Variants in BTNL9 observed in about 807,000 individuals in gnomAD.
BTNL9 encodes the protein butyrophilin-like protein 9.
Under a neutral mutation model 45.8 loss-of-function variants are expected in BTNL9, and 45 were observed. The observed-to-expected ratio is 0.98, with a 90% CI of 0.77 to 1.26. BTNL9 has a LOEUF of 1.26. Among genes scored for constraint, BTNL9 ranks in the 50% most tolerant of loss-of-function variants. The probability of loss-of-function intolerance (pLI) is 0.00; values close to 1 mark genes in which losing one functional copy is unlikely to be tolerated. For synonymous variants in BTNL9, 346 were observed against 330.8 expected (o/e 1.05, Z -0.50); for missense variants, 784 against 729.7 (o/e 1.07, Z -0.86).
intron 2 of BTNL9, among the ~76,000 whole-genome samples, chr5:181,046,736 C>G (rs1390849975): frequency 6.6e-6 from 1 of 151,392 alleles, no homozygotes; most frequent in Non-Finnish European, 1.5e-5. Context: ...AGAATTGTGT[C>G]CAAAGACCTT....
At chr5:181,043,194 G>A (rs1272924311) in intron 1 of BTNL9, among the ~76,000 whole-genome samples, 1 of 151,790 alleles carries the variant, frequency 6.6e-6, no homozygotes, top group Non-Finnish European at 1.5e-5. Context: ...GTGTGTGTGT[G>A]TGTATGTGTC....
At chr5:181,059,048 ACACT>A (rs748864210) in intron 10 of BTNL9, 185 bp from the exon 11 acceptor site, 15 of 535,188 alleles carry the variant, frequency 2.8e-5, no homozygotes, top group Non-Finnish European at 3.1e-5. Flanking sequence ...TCACTATCAA[ACACT>A]CAGGAGTGAC....
Position 181,059,580 on chromosome 5 carries a change from G to A in BTNL9, c.1326G>A (p.Leu442=), listed in dbSNP as rs1442647710. ...VLAPHRVALT[L]RVPPRRLGVF... is the part of the protein sequence containing the mutation. The stretch of plus-strand genomic sequence containing the variant: ...CCCCGCACCGCGTCGCGCTCACCCT[G>A]CGCGTGCCCCCGCGGCGCCTGGGCG... Residue 442 remains leucine, a synonymous_variant, in exon 11 of 11, where the codon CTG becomes CTA. Transcript: ENST00000327705. The A allele has an allele frequency of 6.2e-7, 1 of 1,612,628 alleles. No homozygotes were observed. Among genetic ancestry groups the A allele is most frequent in the African/African-American group, 1.3e-5 (1 of 74,930 alleles).
intron 9 of BTNL9, 77 bp downstream of exon 9, chr5:181,056,092 A>G (rs940854517): frequency 9.9e-6 from 15 of 1,520,554 alleles, no homozygotes; most frequent in African/African-American, 6.9e-5. Context: ...TGATTAACCA[A>G]TCAGGCTTCA....
rs540613366 is a variant in BTNL9 at position 181,058,496 on chromosome 5, CACACACAAG to C, written c.982+126_982+134del. On this transcript the variant is annotated intron_variant, in intron 10 of 10. Transcript: ENST00000327705. ...TTATAGGAGCCAAGTATGGGGCCTG[CACACACAAG>C]ACACACACGCACACTTGCAAACACG... 770 of 1,348,186 alleles carry C rather than the reference CACACACAAG, an allele frequency of 5.7e-4. 7 individuals carry two copies. The African/African-American group carries it at 0.01, about 18-fold the overall frequency. The allele number at this position is 1,348,186 out of a possible 1,614,324, so 83.5% of individuals were successfully genotyped here.
chr5:181,050,367 C>T lies in BTNL9; in HGVS notation c.734C>T (p.Ala245Val). ...SQKKELVVQIADVFVPGASAW... is the reference protein window; with the variant it reads ...SQKKELVVQIVDVFVPGASAW... ...AAGAAAGAGTTGGTGGTCCAGATAG[C>T]AGGTCAGTGGCTGTTAGCTCACACC... is the stretch of plus-strand genomic sequence containing the variant. The change falls in exon 4 of 11, where the codon GCA becomes GTA. Residue 245 changes from alanine to valine, a missense_variant and splice_region_variant. Physicochemically the swap from Ala to Val is moderately conservative, Grantham distance 64. Transcript: ENST00000327705. The surrounding 1 kb of genome is among the most constrained non-coding windows in gnomAD (Gnocchi z 4.9). 6.2e-7 allele frequency: 1 copy of T among 1,613,740 alleles called. No individual in the cohort carries two copies. Among genetic ancestry groups the T allele is most frequent in the East Asian group, 2.2e-5 (1 of 44,882 alleles).
At chr5:181,051,604 A>G (rs1761543439) in intron 4 of BTNL9, among the ~76,000 whole-genome samples, 1 of 152,180 alleles carries the variant, frequency 6.6e-6, no homozygotes. Flanking sequence ...CAGCTAAGCT[A>G]AACTCCCATG....
chr5:181,058,420 G>C, intron 10 of BTNL9, 42 bp downstream of exon 10: 1 of 1,613,916 alleles, frequency 6.2e-7, no homozygotes, highest in Non-Finnish European at 8.5e-7. Context: ...TGGTTTGGCC[G>C]GATCTTAAAC....
At position 181,059,413 on chromosome 5, in the gene BTNL9, G is replaced by A. The variant is rs1382459903; in HGVS notation, c.1159G>A (p.Glu387Lys). The change falls in exon 11 of 11, where the codon GAG becomes AAG. Residue 387 changes from glutamate (E) to lysine (K), a missense_variant. Coordinates refer to ENST00000327705, the MANE Select transcript of BTNL9 (RefSeq NM_152547.5). Reference sequence around the variant, plus strand: ...GTTCTCCGCCGGCCGCCACTACTGGGAGGTGCACGTGGGCCGCCGCAGCCG... The same window carrying A: ...GTTCTCCGCCGGCCGCCACTACTGGAAGGTGCACGTGGGCCGCCGCAGCCG... ...ERFSAGRHYW[E>K]VHVGRRSRWF... 2 of 1,506,118 alleles carry A rather than the reference G, an allele frequency of 1.3e-6. No individual in the cohort carries two copies. The highest frequency in any genetic ancestry group is 5.6e-5 in the East Asian group (2 of 35,536). 93.3% of individuals were successfully genotyped at this position (1,506,118 alleles called of 1,614,324 possible).
Position 181,053,144 on chromosome 5 carries a change from G to C in BTNL9, c.737-56G>C. 6.9e-7 allele frequency: 1 copy of C among 1,440,860 alleles called. No individual in the cohort carries two copies. The highest frequency in any genetic ancestry group is 1.5e-5 in the African/African-American group (1 of 67,716). 89.3% of individuals were successfully genotyped at this position (1,440,860 alleles called of 1,614,324 possible). A position where few individuals can be genotyped will look rare whatever the true frequency, so the allele number is the denominator to read the frequency against. On this transcript the variant is annotated intron_variant, in intron 4 of 10. Coordinates refer to ENST00000327705, the MANE Select transcript of BTNL9 (RefSeq NM_152547.5). This position sits in a 1 kb window ranked among gnomAD's most constrained non-coding sequence, Gnocchi z 6.5. The stretch of plus-strand genomic sequence containing the variant: ...GGCACGCGGCGGGCAGGCCGGTCTC[G>C]CCTCTCGGTGCTCAGCGGCGCCTGG...
At chr5:181,054,050 G>A (rs1043399317) in intron 6 of BTNL9, 189 bp from the exon 7 acceptor site, 3 of 1,544,832 alleles carry the variant, frequency 1.9e-6, no homozygotes, top group African/African-American at 2.7e-5. Context: ...GGGCAGCCAA[G>A]GGTGCGCACT....
chr5:181,047,566 A>G, intron 2 of BTNL9: 1 of 913,832 alleles, frequency 1.1e-6, no homozygotes, highest in Non-Finnish European at 1.3e-6. Flanking sequence ...TACTTAAGAT[A>G]ATATTCTACA....
At position 181,053,876 on chromosome 5, in the gene BTNL9, G is replaced by A. The variant is rs962933551; in HGVS notation, c.887-363G>A. 18 of 1,504,436 alleles carry A rather than the reference G, an allele frequency of 1.2e-5. No homozygotes were observed. The highest frequency in any genetic ancestry group is 9.7e-5 in the African/African-American group (7 of 72,438). 93.2% of individuals were successfully genotyped at this position (1,504,436 alleles called of 1,614,324 possible). A position where few individuals can be genotyped will look rare whatever the true frequency, so the allele number is the denominator to read the frequency against. On this transcript the variant is annotated intron_variant, in intron 6 of 10. Coordinates refer to ENST00000327705, the MANE Select transcript of BTNL9 (RefSeq NM_152547.5). This position sits in a 1 kb window ranked among gnomAD's most constrained non-coding sequence, Gnocchi z 6.5. ...AGTCGGGCGGATGCGCAACATCTCC[G>A]CACAGGGTCAGGAAGCGGCGGTCAG... is the stretch of plus-strand genomic sequence containing the variant.
chr5:181,053,297 G>A lies in BTNL9; in HGVS notation c.834G>A (p.Arg278=). 4 of 1,575,798 alleles carry A rather than the reference G, an allele frequency of 2.5e-6. No individual in the cohort carries two copies. The South Asian group carries it at 4.6e-5, about 18-fold the overall frequency. Residue 278 remains arginine, a synonymous_variant, in exon 5 of 11, where the codon CGG becomes CGA. Coordinates refer to ENST00000327705, the MANE Select transcript of BTNL9 (RefSeq NM_152547.5). The surrounding 1 kb of genome is among the most constrained non-coding windows in gnomAD (Gnocchi z 6.5). The part of the protein sequence containing the change: ...VLAALALGVL[R]KQRRSREKLR... ...CGGCGCTGGCGCTGGGCGTCCTCCGGAAGCAGCGGAGAAGCCGAGGTACCG... is the reference window on the plus strand; with the variant it reads ...CGGCGCTGGCGCTGGGCGTCCTCCGAAAGCAGCGGAGAAGCCGAGGTACCG...
chr5:181,050,840 G>A lies in BTNL9; in HGVS notation c.736+471G>A, dbSNP rs562161655. Among the ~76,000 whole-genome samples, 2 of 152,280 alleles carry A rather than the reference G, an allele frequency of 1.3e-5. No individual in the cohort carries two copies. The highest frequency in any genetic ancestry group is 2.1e-4 in the South Asian group (1 of 4,824). On this transcript the variant is annotated intron_variant, in intron 4 of 10. Transcript: ENST00000327705. This position sits in a 1 kb window ranked among gnomAD's most constrained non-coding sequence, Gnocchi z 4.9. ...GCAGTGGCTCACGCCTGTAATCCCA[G>A]CACTTTGGGAGGCCAAGGCGGGTGG...
rs1197508312 is a variant in BTNL9 at position 181,053,281 on chromosome 5, C to T, written c.818C>T (p.Ala273Val). The change falls in exon 5 of 11, where the codon GCG becomes GTG. Residue 273 changes from alanine to valine, a missense_variant. Coordinates refer to ENST00000327705, the MANE Select transcript of BTNL9 (RefSeq NM_152547.5). The surrounding 1 kb of genome is among the most constrained non-coding windows in gnomAD (Gnocchi z 6.5). ...LPLLLVLAAL[A>V]LGVLRKQRRS... ...CTGCTGTTGGTCCTCGCGGCGCTGGCGCTGGGCGTCCTCCGGAAGCAGCGG... is the reference window on the plus strand; with the variant it reads ...CTGCTGTTGGTCCTCGCGGCGCTGGTGCTGGGCGTCCTCCGGAAGCAGCGG... 6.3e-7 allele frequency: 1 copy of T among 1,582,826 alleles called. No homozygotes were observed. The highest frequency in any genetic ancestry group is 1.1e-5 in the South Asian group (1 of 87,686).
Position 181,055,277 on chromosome 5 carries a change from G to A in BTNL9, c.908-156G>A. 1 of 1,509,416 alleles carries A rather than the reference G, an allele frequency of 6.6e-7. No homozygotes were observed. The highest frequency in any genetic ancestry group is 8.8e-7 in the Non-Finnish European group (1 of 1,134,166). 93.5% of individuals were successfully genotyped at this position (1,509,416 alleles called of 1,614,324 possible). On this transcript the variant is annotated intron_variant, in intron 7 of 10. Transcript: ENST00000327705. This position sits in a 1 kb window ranked among gnomAD's most constrained non-coding sequence, Gnocchi z 4.4. Reference sequence around the variant, plus strand: ...CCTGCAGATGGGCCTCTTTTTGAGGGCAATGAAGGGGCAAAGAGGAAGCTG... The same window carrying A: ...CCTGCAGATGGGCCTCTTTTTGAGGACAATGAAGGGGCAAAGAGGAAGCTG...
rs952579402 is a variant in BTNL9, at chr5:181,055,185, C to G, written c.908-248C>G. On this transcript the variant is annotated intron_variant, in intron 7 of 10. Coordinates refer to ENST00000327705, the MANE Select transcript of BTNL9 (RefSeq NM_152547.5). The surrounding 1 kb of genome is among the most constrained non-coding windows in gnomAD (Gnocchi z 4.4). ...GGAAGAGGCCTGTCAGTACTAAGAT[C>G]TGGTATCCCTTCTAGGCTGTGTGCA... The G allele has an allele frequency of 5.9e-6, 8 of 1,353,082 alleles. No homozygotes were observed. The highest frequency in any genetic ancestry group is 7.6e-6 in the Non-Finnish European group (8 of 1,052,402). 83.8% of individuals were successfully genotyped at this position (1,353,082 alleles called of 1,614,324 possible). A position where few individuals can be genotyped will look rare whatever the true frequency, so the allele number is the denominator to read the frequency against.
chr5:181,046,698 C>CGAGAGAGAGAGG (rs1422175790), intron 2 of BTNL9, among the ~76,000 whole-genome samples: 2 of 143,876 alleles, frequency 1.4e-5, no homozygotes, highest in East Asian at 4.0e-4. Flanking sequence ...AGAGAGAGAG[C>CGAGAGAGAGAGG]GAGAGAGAGA....
Sources: gnomAD v4.1 joint callset for allele counts (sites outside exome capture counted in the v4.1 genomes callset) on GRCh38, gnomAD v4.1.1 for gene constraint, Gnocchi (gnomAD v3.1) non-coding constraint, MANE v1.5 for transcripts, NCBI Gene and HGNC (gene_info 2026-07-23, HGNC 2026-07-21) for gene names.